The following WDR33 variants were observed in gnomAD, a reference collection of about 807,000 sequenced individuals.
The protein encoded by WDR33 is pre-mRNA 3' end processing protein WDR33.
Under a neutral mutation model 164.9 loss-of-function variants are expected in WDR33, and 47 were observed. The observed-to-expected ratio is 0.29, with a 90% CI of 0.23 to 0.36. The LOEUF (loss-of-function observed/expected upper bound fraction) is 0.36. Ranked by LOEUF, WDR33 falls within the 10% of genes least tolerant of loss-of-function variation. The pLI is 1.00. For missense variants in WDR33, 1,137 were observed against 1,754.1 expected (o/e 0.65, Z 6.28); for synonymous variants, 505 against 589.0 (o/e 0.86, Z 2.06).
chr2:127,722,494 AC>A lies in WDR33; in HGVS notation c.1518+96del. On this transcript the variant is annotated intron_variant, in intron 14 of 21. Transcript: ENST00000322313. The surrounding 1 kb of genome is among the most constrained non-coding windows in gnomAD (Gnocchi z 5.1). ...GTGAACATGGGAAAAATGCTCCAGT[AC>A]AGAAACACCTTCAACAGTGAGATAA... 6.6e-7 allele frequency: 1 copy of A among 1,511,642 alleles called. No individual in the cohort carries two copies. The highest frequency in any genetic ancestry group is 1.3e-5 in the South Asian group (1 of 74,908). 93.6% of individuals were successfully genotyped at this position (1,511,642 alleles called of 1,614,324 possible).
At position 127,713,671 on chromosome 2, in the gene WDR33, G is replaced by A; in HGVS notation, c.3220C>T (p.Pro1074Ser). The change falls in exon 18 of 22, where the codon CCG (proline) becomes TCG (serine). Residue 1074 changes from proline (P) to serine (S), a missense_variant. Physicochemically the swap from Pro to Ser is moderately conservative, Grantham distance 74 (BLOSUM62 -1). Around this residue, in one of 9 missense-constraint regions of WDR33, gnomAD observed 867 missense variants for 1,073.0 expected, o/e 0.81. Coordinates refer to ENST00000322313, the MANE Select transcript of WDR33 (RefSeq NM_018383.5). This position sits in a 1 kb window ranked among gnomAD's most constrained non-coding sequence, Gnocchi z 6.2. ...GDGRGAARGP[P>S]GAWEGRRPGD... ...GGCCTGCGGCCTTCCCATGCCCCCG[G>A]AGGGCCTCGGGCTGCACCCCGGCCA... 2 of 1,614,224 alleles carry A rather than the reference G, an allele frequency of 1.2e-6. No individual in the cohort carries two copies. The highest frequency in any genetic ancestry group is 1.7e-6 in the Non-Finnish European group (2 of 1,180,032).
intron 2 of WDR33, among the ~76,000 whole-genome samples, chr2:127,769,216 G>A (rs999249505): frequency 6.6e-6 from 1 of 152,074 alleles, no homozygotes; most frequent in African/African-American, 2.4e-5. Flanking sequence ...CCCTCCTCGA[G>A]GTGCCTCATG....
At chr2:127,772,677 G>A (rs972808037) in intron 1 of WDR33, among the ~76,000 whole-genome samples, 11 of 152,152 alleles carry the variant, frequency 7.2e-5, no homozygotes, top group South Asian at 4.2e-4. Context: ...TTCTCAGTAT[G>A]TGTTATTTAC....
rs1686829178 is a variant in WDR33, at chr2:127,735,994, G to A, written c.725-9217C>T. ...GCAGGGCAGTGTTTTCACAATGTAT[G>A]TTCCAACAATACAGTGCATAGAATC... On this transcript the variant is annotated intron_variant, in intron 7 of 21. Transcript: ENST00000322313. The surrounding 1 kb of genome is among the most constrained non-coding windows in gnomAD (Gnocchi z 4.3). 6 of 985,334 alleles carry A rather than the reference G, an allele frequency of 6.1e-6. No homozygotes were observed. The highest frequency in any genetic ancestry group is 7.2e-6 in the Non-Finnish European group (6 of 829,946). The allele number at this position is 985,334 out of a possible 1,614,324, so 61.0% of individuals were successfully genotyped here.
chr2:127,729,101 C>T (rs1686640116), intron 7 of WDR33, among the ~76,000 whole-genome samples: 1 of 152,196 alleles, frequency 6.6e-6, no homozygotes, highest in Admixed American at 6.5e-5. Flanking sequence ...CTGATTGGTC[C>T]TGATTCTTGG....
intron 7 of WDR33, among the ~76,000 whole-genome samples, chr2:127,748,062 T>C (rs937889950): frequency 6.6e-6 from 1 of 152,168 alleles, no homozygotes; most frequent in African/African-American, 2.4e-5. Context: ...TGACAGCTAT[T>C]TCTTCACCAA....
chr2:127,788,147 G>A (rs1387412468), intron 1 of WDR33, among the ~76,000 whole-genome samples: 4 of 102,496 alleles, frequency 3.9e-5, no homozygotes, highest in African/African-American at 1.8e-4. Context: ...GGGGCGGCCG[G>A]GCAGAGGCGC....
chr2:127,701,402 T>A lies in WDR33; in HGVS notation c.*4921A>T. On this transcript the variant is annotated 3_prime_UTR_variant, in exon 22 of 22. Transcript: ENST00000322313. The stretch of plus-strand genomic sequence containing the variant: ...TCCGCAGAGCAGGCACCGCGGCACT[T>A]CCGCGAGCGCCGCAGGCCCTGCCCC... The A allele has an allele frequency of 1.0e-6, 1 of 972,948 alleles. No homozygotes were observed. The highest frequency in any genetic ancestry group is 1.7e-5 in the African/African-American group (1 of 58,966). The allele number at this position is 972,948 out of a possible 1,614,324, so 60.3% of individuals were successfully genotyped here. A position where few individuals can be genotyped will look rare whatever the true frequency, so the allele number is the denominator to read the frequency against.
In WDR33 at chr2:127,711,751, G is replaced by GATATATATATATATATATATAT. The variant is rs754454193; in HGVS notation, c.3308+1810_3308+1831dup. ...CAACCCTAACTCAACCACATATACA[G>GATATATATATATATATATATAT]ATATATATATATATATATATATATA... is the stretch of plus-strand genomic sequence containing the variant. On this transcript the variant is annotated intron_variant, in intron 18 of 21. Coordinates refer to ENST00000322313, the MANE Select transcript of WDR33 (RefSeq NM_018383.5). 1.3e-3 allele frequency among the ~76,000 whole-genome samples: 92 copies of GATATATATATATATATATATAT among 71,552 alleles called. 1 individual carries two copies. Among genetic ancestry groups the GATATATATATATATATATATAT allele is most frequent in the African/African-American group, 3.6e-3 (36 of 10,084 alleles). The allele number at this position is 71,552 out of a possible 152,430, so 46.9% of individuals were successfully genotyped here.
chr2:127,741,350 G>A lies in WDR33; in HGVS notation c.725-14573C>T, dbSNP rs1192473428. 3.9e-5 allele frequency among the ~76,000 whole-genome samples: 6 copies of A among 152,248 alleles called. No homozygotes were observed. ...AAGAGAAAAGAGAAGGGAGGGAGGA[G>A]AGAAAGATGGCAGTTCCACTTAAGA... On this transcript the variant is annotated intron_variant, in intron 7 of 21. Transcript: ENST00000322313. This position sits in a 1 kb window ranked among gnomAD's most constrained non-coding sequence, Gnocchi z 4.1.
rs751236903 is a variant in WDR33, at chr2:127,713,624, C to T, written c.3267G>A (p.Arg1089=). ...GRRPGDERFP[R]DPEDPRFRGR... ...CTCGAAAACGTGGGTCCTCGGGATC[C>T]CGGGGGAAACGTTCATCTCCGGGCC... Residue 1089 remains arginine, a synonymous_variant, in exon 18 of 22, where the codon CGG becomes CGA. Transcript: ENST00000322313. The surrounding 1 kb of genome is among the most constrained non-coding windows in gnomAD (Gnocchi z 6.2). 5.0e-6 allele frequency: 8 copies of T among 1,614,262 alleles called. No homozygotes were observed. Among genetic ancestry groups the T allele is most frequent in the Non-Finnish European group, 6.8e-6 (8 of 1,180,058 alleles).
chr2:127,769,135 AT>A (rs1374526048), intron 2 of WDR33, 134 bp from the exon 3 acceptor site: 1 of 460,936 alleles, frequency 2.2e-6, no homozygotes, highest in Admixed American at 4.9e-5. Context: ...AAAAAATATT[AT>A]TTTCTAAAAC....
At chr2:127,783,703 C>G (rs1488465604) in intron 1 of WDR33, among the ~76,000 whole-genome samples, 2 of 137,474 alleles carry the variant, frequency 1.5e-5, no homozygotes, top group Non-Finnish European at 3.0e-5. Context: ...CTCCTAGGTT[C>G]AAGTGATTCT....
rs564540606 is a variant in WDR33, at chr2:127,706,637, G to T, written c.3782-85C>A. 7.9e-6 allele frequency: 10 copies of T among 1,268,282 alleles called. No homozygotes were observed. In the Admixed American group the frequency reaches 2.0e-4, roughly 25 times the overall value. 78.6% of individuals were successfully genotyped at this position (1,268,282 alleles called of 1,614,324 possible). On this transcript the variant is annotated intron_variant, in intron 21 of 21. Transcript: ENST00000322313. This position sits in a 1 kb window ranked among gnomAD's most constrained non-coding sequence, Gnocchi z 5.1. Reference sequence around the variant, plus strand: ...CCCAGTACAAACTTTACTCTCTGATGACAATGGACCAGTTCTGGTGGGTGC... The same window carrying T: ...CCCAGTACAAACTTTACTCTCTGATTACAATGGACCAGTTCTGGTGGGTGC...
intron 18 of WDR33, among the ~76,000 whole-genome samples, chr2:127,711,774 ATATATATTTT>A (rs1264371470): frequency 2.1e-5 from 2 of 93,352 alleles, no homozygotes; most frequent in African/African-American, 1.1e-4. Flanking sequence ...ATATATATAT[ATATATATTTT>A]TTTTTTGAGA....
chr2:127,796,600 ACTCT>A (rs145152218), intron 1 of WDR33, among the ~76,000 whole-genome samples: 1 of 149,792 alleles, frequency 6.7e-6, no homozygotes, highest in South Asian at 2.1e-4. Context: ...ACATACACAT[ACTCT>A]CTCTCTCTCT....
At chr2:127,707,623 T>C (rs762965227) in intron 21 of WDR33, among the ~76,000 whole-genome samples, 1 of 152,198 alleles carries the variant, frequency 6.6e-6, no homozygotes, top group Admixed American at 6.5e-5. Flanking sequence ...AATGTGTTTA[T>C]GCAGGGTGAT....
At chr2:127,742,522 CAAAA>C (rs66766896) in intron 7 of WDR33, among the ~76,000 whole-genome samples, 2 of 79,212 alleles carry the variant, frequency 2.5e-5, no homozygotes, top group Non-Finnish European at 2.5e-5. Context: ...GACCCTGTCT[CAAAA>C]AAAAAAAAAA....
intron 7 of WDR33, chr2:127,736,365 G>C (rs1211044925): frequency 8.1e-6 from 8 of 985,258 alleles, no homozygotes; most frequent in Non-Finnish European, 8.4e-6. Context: ...TGAAAATTCA[G>C]AAATGAGTGT....
Sources: gnomAD v4.1 joint callset for allele counts (sites outside exome capture counted in the v4.1 genomes callset) on GRCh38, gnomAD v4.1.1 for gene constraint, gnomAD v4.1.1 regional missense constraint, Gnocchi (gnomAD v3.1) non-coding constraint, MANE v1.5 for transcripts, NCBI Gene and HGNC (gene_info 2026-07-23, HGNC 2026-07-21) for gene names.